Variants in GNG7 observed in about 807,000 individuals in gnomAD.
The protein encoded by GNG7 is G protein subunit gamma 7, also known as guanine nucleotide-binding protein G(I)/G(S)/G(O) subunit gamma-7.
In GNG7, 1 loss-of-function variant was observed where a neutral mutation model predicts 4.0. The observed-to-expected ratio is 0.25, with a 90% CI of 0.09 to 1.18. The LOEUF (loss-of-function observed/expected upper bound fraction) is 1.18, where lower values mean the gene tolerates loss of function less well. GNG7 is among the 50% of genes most tolerant of loss of function. GNG7 has a pLI of 0.50. For synonymous variants in GNG7, 34 were observed against 36.9 expected (o/e 0.92, Z 0.29); for missense variants, 86 against 91.9 (o/e 0.94, Z 0.26).
chr19:2,694,940 C>G (rs1425877926), intron 1 of GNG7, among the ~76,000 whole-genome samples: 3 of 151,994 alleles, frequency 2.0e-5, no homozygotes, highest in Non-Finnish European at 4.4e-5. Flanking sequence ...CAGGCCATCA[C>G]AGGGTAGGGT....
chr19:2,588,085 C>T (rs971559096), intron 2 of GNG7, among the ~76,000 whole-genome samples: 1 of 152,102 alleles, frequency 6.6e-6, no homozygotes, highest in South Asian at 2.1e-4. Context: ...AGAAGAAAAA[C>T]CATCTCTCTA....
intron 2 of GNG7, among the ~76,000 whole-genome samples, chr19:2,575,735 ACG>A (rs1491110543): frequency 1.1e-4 from 11 of 95,922 alleles, no homozygotes; most frequent in African/African-American, 2.8e-4. Context: ...ACGCAGGCAC[ACG>A]CACACGCAGG....
intron 2 of GNG7, among the ~76,000 whole-genome samples, chr19:2,574,799 G>C (rs910882412): frequency 1.3e-5 from 2 of 152,202 alleles, no homozygotes; most frequent in Admixed American, 1.3e-4. Flanking sequence ...AAGCTGCCAG[G>C]CTGGGCCTTG....
intron 2 of GNG7, among the ~76,000 whole-genome samples, chr19:2,602,867 C>G (rs139062103): frequency 6.6e-6 from 1 of 151,698 alleles, no homozygotes; most frequent in Non-Finnish European, 1.5e-5. Flanking sequence ...CGCTACCCAC[C>G]CTTTTCTCTC....
At chr19:2,540,668 T>C (rs1311758403) in intron 3 of GNG7, among the ~76,000 whole-genome samples, 3 of 152,136 alleles carry the variant, frequency 2.0e-5, no homozygotes, top group African/African-American at 7.2e-5. Flanking sequence ...AGTCCAAACC[T>C]GCCTGGCCTG....
chr19:2,596,100 T>A (rs530007718), intron 2 of GNG7, among the ~76,000 whole-genome samples: 43 of 152,316 alleles, frequency 2.8e-4, no homozygotes, highest in Middle Eastern at 3.4e-3. Context: ...GGCTCATATC[T>A]GTAATCTCAG....
intron 3 of GNG7, among the ~76,000 whole-genome samples, chr19:2,528,003 C>G (rs1480462803): frequency 6.6e-6 from 1 of 152,128 alleles, no homozygotes; most frequent in African/African-American, 2.4e-5. Context: ...CGTGGTGGCT[C>G]ATGCCTGTAA....
At chr19:2,697,001 C>CGCCACCACGCCT (rs1388106584) in intron 1 of GNG7, among the ~76,000 whole-genome samples, 1 of 152,032 alleles carries the variant, frequency 6.6e-6, no homozygotes, top group African/African-American at 2.4e-5. Context: ...TACAGGCGCC[C>CGCCACCACGCCT]GGCTAATTTT....
rs541011057 is a variant in GNG7, at chr19:2,653,876, C to G, written c.-134-7596G>C. On this transcript the variant is annotated intron_variant, in intron 1 of 4. Transcript: ENST00000382159. This position sits in a 1 kb window ranked among gnomAD's most constrained non-coding sequence, Gnocchi z 4.8. Reference sequence around the variant, plus strand: ...ACCACCCAGGCGCTGTCCCTGGCCTCGCCCATGGCTAACCTTGGCAGGCAT... The same window carrying G: ...ACCACCCAGGCGCTGTCCCTGGCCTGGCCCATGGCTAACCTTGGCAGGCAT... 6.6e-6 allele frequency among the ~76,000 whole-genome samples: 1 copy of G among 152,232 alleles called. No homozygotes were observed. The highest frequency in any genetic ancestry group is 1.5e-5 in the Non-Finnish European group (1 of 68,038).
intron 3 of GNG7, among the ~76,000 whole-genome samples, chr19:2,553,617 ATACATG>A (rs1318475753): frequency 3.6e-5 from 4 of 109,858 alleles, no homozygotes; most frequent in Non-Finnish European, 6.1e-5. Flanking sequence ...ATCATACTAC[ATACATG>A]CACACGTTAC....
At chr19:2,547,602 G>T (rs1164110514) in intron 3 of GNG7, among the ~76,000 whole-genome samples, 1 of 152,118 alleles carries the variant, frequency 6.6e-6, no homozygotes, top group South Asian at 2.1e-4. Flanking sequence ...TCCATGTGTG[G>T]TGACACAGCC....
At chr19:2,644,373 A>AAAG (rs1982606974) in intron 2 of GNG7, among the ~76,000 whole-genome samples, 1 of 127,180 alleles carries the variant, frequency 7.9e-6, no homozygotes, top group African/African-American at 3.6e-5. Context: ...ATATATATAT[A>AAAG]TATATATAAT....
rs1230707066 is a variant in GNG7 at position 2,618,848 on chromosome 19, C to T, written c.-78+27376G>A. On this transcript the variant is annotated intron_variant, in intron 2 of 4. Coordinates refer to ENST00000382159, the MANE Select transcript of GNG7 (RefSeq NM_052847.3). The surrounding 1 kb of genome is among the most constrained non-coding windows in gnomAD (Gnocchi z 5.1). ...AATGCCACAGCGATTCAGCTTCCCT[C>T]AGTTTTCCCCTCACGACCTTTCCTG... 6.6e-6 allele frequency among the ~76,000 whole-genome samples: 1 copy of T among 152,116 alleles called. No individual in the cohort carries two copies. Among genetic ancestry groups the T allele is most frequent in the Non-Finnish European group, 1.5e-5 (1 of 68,034 alleles).
At chr19:2,577,194 C>T (rs550881282) in intron 2 of GNG7, among the ~76,000 whole-genome samples, 6 of 152,148 alleles carry the variant, frequency 3.9e-5, no homozygotes, top group East Asian at 3.9e-4. Flanking sequence ...TAGTACGTCA[C>T]GGTTTGTGGG....
intron 2 of GNG7, among the ~76,000 whole-genome samples, chr19:2,591,453 GTTT>G (rs59564767): frequency 0.25 from 30,723 of 123,564 alleles, 4,202 homozygotes; most frequent in East Asian, 0.36. Flanking sequence ...AAAATAAAGG[GTTT>G]TTTTTTTTTT....
At chr19:2,568,924 T>C (rs983454833) in intron 2 of GNG7, among the ~76,000 whole-genome samples, 1 of 151,622 alleles carries the variant, frequency 6.6e-6, no homozygotes, top group East Asian at 1.9e-4. Context: ...TATACATACA[T>C]ATACAAATAT....
intron 4 of GNG7, among the ~76,000 whole-genome samples, 174 bp downstream of exon 4, chr19:2,520,434 C>T (rs886245364): frequency 1.3e-5 from 2 of 152,186 alleles, no homozygotes; most frequent in African/African-American, 4.8e-5. Context: ...GATCAGCTGC[C>T]TCTTTCTGCC....
intron 2 of GNG7, chr19:2,643,811 C>T (rs1339642705): frequency 1.1e-5 from 4 of 367,674 alleles, no homozygotes; most frequent in African/African-American, 4.2e-5. Flanking sequence ...CAACCATCAG[C>T]ATAATCTCAA....
chr19:2,563,607 T>C (rs1048768184), intron 2 of GNG7, among the ~76,000 whole-genome samples: 1 of 152,080 alleles, frequency 6.6e-6, no homozygotes, highest in Non-Finnish European at 1.5e-5. Context: ...AGCCTCCCTA[T>C]AGTAGTTGGA....
Sources: allele counts gnomAD v4.1 joint callset (sites outside exome capture counted in the v4.1 genomes callset), GRCh38; gene constraint gnomAD v4.1.1; non-coding constraint Gnocchi (gnomAD v3.1); transcripts MANE v1.5; gene names NCBI Gene and HGNC (gene_info 2026-07-23, HGNC 2026-07-21).